SRBD1: variants seen among roughly 807,000 people sequenced by gnomAD.
SRBD1 encodes S1 RNA binding domain 1, also known as S1 RNA-binding domain-containing protein 1.
SRBD1 carries 88 observed loss-of-function variants against 115.3 expected under a neutral mutation model. That is an observed-to-expected ratio of 0.76 (90% CI 0.64 to 0.91). The LOEUF (loss-of-function observed/expected upper bound fraction) is 0.91. Ranked by LOEUF, SRBD1 falls within the 40% of genes least tolerant of loss-of-function variation. SRBD1 has a pLI of 0.00. For missense variants in SRBD1, 1,385 were observed against 1,177.4 expected (o/e 1.18, Z -2.58); for synonymous variants, 509 against 407.7 (o/e 1.25, Z -2.99).
chr2:45,538,743 T>C (rs537890941), intron 14 of SRBD1, among the ~76,000 whole-genome samples: 191 of 152,348 alleles, frequency 1.3e-3, no homozygotes, highest in African/African-American at 4.4e-3. Context: ...CAATCTGACA[T>C]TTATAGGTGA....
intron 14 of SRBD1, among the ~76,000 whole-genome samples, chr2:45,535,653 A>G (rs926942794): frequency 6.6e-6 from 1 of 152,010 alleles, no homozygotes; most frequent in African/African-American, 2.4e-5. Context: ...TAAGAAACAG[A>G]AGATCTCTTA....
intron 14 of SRBD1, among the ~76,000 whole-genome samples, chr2:45,513,581 G>A (rs550859841): frequency 1.3e-5 from 2 of 152,234 alleles, no homozygotes; most frequent in African/African-American, 4.8e-5. Context: ...CTATTTGGCA[G>A]AGTTTAGGAC....
At chr2:45,490,902 T>C (rs1670272416) in intron 14 of SRBD1, among the ~76,000 whole-genome samples, 1 of 152,226 alleles carries the variant, frequency 6.6e-6, no homozygotes, top group South Asian at 2.1e-4. Context: ...AAATTTCATA[T>C]GCTTTACTTA....
intron 10 of SRBD1, among the ~76,000 whole-genome samples, chr2:45,562,086 A>G (rs900119857): frequency 1.3e-5 from 2 of 152,210 alleles, no homozygotes; most frequent in Non-Finnish European, 2.9e-5. Context: ...TTCTCCACAG[A>G]GATAATCACT....
At position 45,548,052 on chromosome 2, in the gene SRBD1, AT is replaced by A. The variant is rs534534931; in HGVS notation, c.1676-441del. On this transcript the variant is annotated intron_variant, in intron 12 of 20. Transcript: ENST00000263736. ...TCTATATTGCATTATAAAGAAAAATATTTTTTATTGAAAATATTTATAACAA... is the reference window on the plus strand; with the variant it reads ...TCTATATTGCATTATAAAGAAAAATATTTTTATTGAAAATATTTATAACAA... Among the ~76,000 whole-genome samples, 79 of 151,834 alleles carry A rather than the reference AT, an allele frequency of 5.2e-4. 1 individual carries two copies. The South Asian group carries it at 0.015, about 28-fold the overall frequency.
chr2:45,549,947 C>T (rs1386489339), intron 12 of SRBD1, among the ~76,000 whole-genome samples: 3 of 151,382 alleles, frequency 2.0e-5, no homozygotes, highest in Non-Finnish European at 4.4e-5. Flanking sequence ...GGAATGAATT[C>T]GAGATGAAAG....
chr2:45,451,945 TA>T (rs1395822298), intron 16 of SRBD1, among the ~76,000 whole-genome samples: 3 of 151,988 alleles, frequency 2.0e-5, no homozygotes, highest in African/African-American at 7.2e-5. Flanking sequence ...TAAAAAATTT[TA>T]ATGTTTCATT....
intron 20 of SRBD1, among the ~76,000 whole-genome samples, chr2:45,391,774 C>G (rs2161040): frequency 0.053 from 8,027 of 152,068 alleles, 695 homozygotes; most frequent in African/African-American, 0.18. Context: ...TGCTCTGAGT[C>G]TACAATGCAA....
intron 9 of SRBD1, among the ~76,000 whole-genome samples, chr2:45,572,190 A>C (rs766595533): frequency 6.6e-6 from 1 of 152,154 alleles, no homozygotes; most frequent in Admixed American, 6.5e-5. Flanking sequence ...CCTCATAAAA[A>C]ACTATGGAGG....
intron 14 of SRBD1, among the ~76,000 whole-genome samples, chr2:45,530,449 A>T (rs1387415958): frequency 6.6e-6 from 1 of 152,070 alleles, no homozygotes; most frequent in Middle Eastern, 3.2e-3. Context: ...CAGCAGCATG[A>T]ATCAAAAGTC....
At chr2:45,584,702 T>C (rs1673463416) in intron 5 of SRBD1, among the ~76,000 whole-genome samples, 1 of 152,212 alleles carries the variant, frequency 6.6e-6, no homozygotes, top group South Asian at 2.1e-4. Context: ...ATAAACCCTA[T>C]CGAATAATAT....
At chr2:45,485,779 CT>C (rs1670101428) in intron 15 of SRBD1, among the ~76,000 whole-genome samples, 1 of 152,106 alleles carries the variant, frequency 6.6e-6, no homozygotes, top group Non-Finnish European at 1.5e-5. Context: ...TAGCTCAGAT[CT>C]CACATAACGT....
intron 1 of SRBD1, among the ~76,000 whole-genome samples, chr2:45,609,778 G>A (rs962338138): frequency 1.3e-5 from 2 of 152,088 alleles, no homozygotes; most frequent in African/African-American, 4.8e-5. Context: ...TTTAAAAGGA[G>A]CCTATTTACT....
chr2:45,451,406 C>T (rs752417451), intron 16 of SRBD1, among the ~76,000 whole-genome samples: 1 of 151,954 alleles, frequency 6.6e-6, no homozygotes, highest in Non-Finnish European at 1.5e-5. Flanking sequence ...ATTAATATTG[C>T]ACCTTTCTTC....
At chr2:45,495,204 A>G (rs1670418428) in intron 14 of SRBD1, among the ~76,000 whole-genome samples, 1 of 152,222 alleles carries the variant, frequency 6.6e-6, no homozygotes, top group Non-Finnish European at 1.5e-5. Context: ...ACCACAAAAT[A>G]AACCTAAAAT....
At chr2:45,393,187 C>T in intron 19 of SRBD1, 58 bp from the exon 20 acceptor site, 1 of 1,484,856 alleles carries the variant, frequency 6.7e-7, no homozygotes, top group Non-Finnish European at 8.9e-7. Context: ...TTTGCAATCT[C>T]CTTATACAGA....
At chr2:45,468,101 C>T (rs879186927) in intron 16 of SRBD1, among the ~76,000 whole-genome samples, 5 of 152,100 alleles carry the variant, frequency 3.3e-5, no homozygotes, top group African/African-American at 4.8e-5. Context: ...TTAAATTCTG[C>T]GCTTATTTTT....
chr2:45,483,840 A>C (rs1037914645), intron 15 of SRBD1, among the ~76,000 whole-genome samples: 1 of 152,124 alleles, frequency 6.6e-6, no homozygotes, highest in African/African-American at 2.4e-5. Flanking sequence ...AATCTACTGT[A>C]ATCCTGACCC....
chr2:45,550,033 A>C (rs1672247456), intron 12 of SRBD1, among the ~76,000 whole-genome samples: 1 of 152,104 alleles, frequency 6.6e-6, no homozygotes, highest in African/African-American at 2.4e-5. Flanking sequence ...TAAAACAAGA[A>C]GTTAAAAGAT....
Sources: allele counts gnomAD v4.1 joint callset (sites outside exome capture counted in the v4.1 genomes callset), GRCh38; gene constraint gnomAD v4.1.1; transcripts MANE v1.5; gene names NCBI Gene and HGNC (gene_info 2026-07-23, HGNC 2026-07-21).